INVS: variants seen among roughly 807,000 people sequenced by gnomAD.
The protein encoded by INVS is inversin.
A neutral mutation model predicts 108.8 loss-of-function variants in INVS; 86 were observed. The observed-to-expected ratio is 0.79, with a 90% confidence interval of 0.66 to 0.95. The LOEUF (loss-of-function observed/expected upper bound fraction) is 0.95. Ranked by LOEUF, INVS falls within the 40% of genes least tolerant of loss-of-function variation. The pLI is 0.00. For synonymous variants in INVS, 455 were observed against 473.5 expected, an observed-to-expected ratio of 0.96 and a Z score of 0.51; for missense variants, 1,169 against 1,297.4, an observed-to-expected ratio of 0.90 and a Z score of 1.52.
chr9:100,299,972 A>G (rs184511525), intron 16 of INVS, among the ~76,000 whole-genome samples: 4 of 152,354 alleles, frequency 2.6e-5, no homozygotes, highest in Admixed American at 2.0e-4. Flanking sequence ...GTATTTGCTT[A>G]TATGCTCCAT....
chr9:100,225,669 A>C (rs1458583069), intron 3 of INVS, among the ~76,000 whole-genome samples: 1 of 152,230 alleles, frequency 6.6e-6, no homozygotes, highest in African/African-American at 2.4e-5. Context: ...TTGACCCAAC[A>C]ATTTGGTTCC....
At chr9:100,198,225 C>G (rs1830433991) in intron 3 of INVS, among the ~76,000 whole-genome samples, 1 of 129,546 alleles carries the variant, frequency 7.7e-6, no homozygotes, top group Non-Finnish European at 1.6e-5. Context: ...CTTTCCTCAA[C>G]TTTAATGGTG....
chr9:100,242,567 C>G lies in INVS; in HGVS notation c.797-3C>G. 1 of 1,511,958 alleles carries G rather than the reference C, an allele frequency of 6.6e-7. No individual in the cohort carries two copies. Among genetic ancestry groups the G allele is most frequent in the Non-Finnish European group, 9.2e-7 (1 of 1,087,434 alleles). The allele number at this position is 1,511,958 out of a possible 1,614,324, so 93.7% of individuals were successfully genotyped here. ...ATAATTACCTTTTTGTGTCTTTTCT[C>G]AGGCCATGCACAGATTGTCCATCTC... On this transcript the variant is annotated splice_region_variant and splice_polypyrimidine_tract_variant and intron_variant, in intron 6 of 16. Coordinates refer to ENST00000262457, the MANE Select transcript of INVS (RefSeq NM_014425.5).
At chr9:100,183,962 C>T (rs1480985987) in intron 3 of INVS, among the ~76,000 whole-genome samples, 3 of 151,704 alleles carry the variant, frequency 2.0e-5, no homozygotes, top group Non-Finnish European at 4.4e-5. Flanking sequence ...TATATGATAT[C>T]TACAGCATAA....
In INVS at chr9:100,299,924, A is replaced by G. The variant is rs191502779; in HGVS notation, c.3092-644A>G. 5.3e-5 allele frequency among the ~76,000 whole-genome samples: 8 copies of G among 152,314 alleles called. No individual in the cohort carries two copies. The East Asian group carries it at 1.3e-3, about 26-fold the overall frequency. Reference sequence around the variant, plus strand: ...AAAACCAAGAGAGAAAAATTGAGACATATGTTTGTTACTTTTAAAAACTAC... The same window carrying G: ...AAAACCAAGAGAGAAAAATTGAGACGTATGTTTGTTACTTTTAAAAACTAC... On this transcript the variant is annotated intron_variant, in intron 16 of 16. Coordinates refer to ENST00000262457, the MANE Select transcript of INVS (RefSeq NM_014425.5).
intron 3 of INVS, among the ~76,000 whole-genome samples, chr9:100,160,824 G>T (rs1435861436): frequency 1.3e-5 from 2 of 151,916 alleles, no homozygotes; most frequent in African/African-American, 2.4e-5. Flanking sequence ...GCATGGTGGT[G>T]GGCACCTGTA....
chr9:100,104,471 C>G, intron 1 of INVS, 27 bp from the exon 2 acceptor site: 1 of 1,246,310 alleles, frequency 8.0e-7, no homozygotes, highest in Non-Finnish European at 1.2e-6. Context: ...TTGCTGCATG[C>G]GCTCATTGTC....
chr9:100,257,738 C>A (rs1832468877), intron 10 of INVS, among the ~76,000 whole-genome samples: 1 of 152,214 alleles, frequency 6.6e-6, no homozygotes, highest in Non-Finnish European at 1.5e-5. Context: ...TATCGGCCCC[C>A]ACTCTCTTCT....
In INVS at chr9:100,301,158, C is replaced by CAT. The variant is rs1447702095; in HGVS notation, c.*485_*486insTA. 8.6e-6 allele frequency among the ~76,000 whole-genome samples: 1 copy of CAT among 115,804 alleles called. No individual in the cohort carries two copies. Among genetic ancestry groups the CAT allele is most frequent in the Non-Finnish European group, 1.7e-5 (1 of 60,028 alleles). 76.0% of individuals were successfully genotyped at this position (115,804 alleles called of 152,430 possible). On this transcript the variant is annotated 3_prime_UTR_variant, in exon 17 of 17. Coordinates refer to ENST00000262457, the MANE Select transcript of INVS (RefSeq NM_014425.5). ...AACTTATCACACACACACACACACACACACACACACACACACACACATATC... is the reference window on the plus strand; with the variant it reads ...AACTTATCACACACACACACACACACATACACACACACACACACACACATATC...
At chr9:100,151,413 A>G (rs1028833235) in intron 3 of INVS, among the ~76,000 whole-genome samples, 4 of 152,152 alleles carry the variant, frequency 2.6e-5, no homozygotes, top group Admixed American at 2.6e-4. Flanking sequence ...CAGGAGGTTG[A>G]GGCTGCAGTA....
At chr9:100,277,259 A>T (rs996557436) in intron 12 of INVS, among the ~76,000 whole-genome samples, 1 of 152,238 alleles carries the variant, frequency 6.6e-6, no homozygotes, top group Non-Finnish European at 1.5e-5. Flanking sequence ...TCAGATTTTT[A>T]AAAAACTGCT....
chr9:100,134,803 A>G (rs1199250909), intron 3 of INVS, among the ~76,000 whole-genome samples: 2 of 152,196 alleles, frequency 1.3e-5, no homozygotes, highest in African/African-American at 2.4e-5. Context: ...CAGGTGAATG[A>G]GTAGCTAAAT....
Position 100,252,428 on chromosome 9 carries a change from A to G in INVS, c.1224A>G (p.Thr408=), listed in dbSNP as rs1832266621. 1.2e-6 allele frequency: 2 copies of G among 1,613,754 alleles called. No homozygotes were observed. The highest frequency in any genetic ancestry group is 2.2e-5 in the East Asian group (1 of 44,884). Residue 408 remains threonine, a synonymous_variant, in exon 9 of 17, where the codon ACA becomes ACG. Coordinates refer to ENST00000262457, the MANE Select transcript of INVS (RefSeq NM_014425.5). ...TGGGACACAAAGATGTGATTCAGAC[A>G]CTCATTAAAGGTGGGCTAATAAGAG... The part of the protein sequence containing the change: ...CEMGHKDVIQ[T]LIKGGARVDL...
chr9:100,178,913 A>C (rs563455458), intron 3 of INVS, among the ~76,000 whole-genome samples: 4 of 152,348 alleles, frequency 2.6e-5, no homozygotes, highest in African/African-American at 9.6e-5. Flanking sequence ...CCCACAAGGG[A>C]AGCCCATCAG....
chr9:100,229,624 T>TA, intron 4 of INVS, 36 bp from the exon 5 acceptor site: 2 of 1,600,592 alleles, frequency 1.2e-6, no homozygotes, highest in Non-Finnish European at 1.7e-6. Flanking sequence ...AGTTAGTTGT[T>TA]ACTGTTGTTA....
intron 10 of INVS, among the ~76,000 whole-genome samples, chr9:100,254,977 G>C (rs1319738501): frequency 1.3e-5 from 2 of 152,122 alleles, no homozygotes; most frequent in Admixed American, 1.3e-4. Flanking sequence ...GCTTGATGGG[G>C]ATGGCATTGA....
chr9:100,165,260 A>G (rs1829325531), intron 3 of INVS, among the ~76,000 whole-genome samples: 2 of 152,058 alleles, frequency 1.3e-5, no homozygotes, highest in African/African-American at 4.8e-5. Context: ...TTACTGTTCA[A>G]TTTTTGGCAA....
At chr9:100,270,003 A>T (rs1303295189) in intron 11 of INVS, among the ~76,000 whole-genome samples, 1 of 152,184 alleles carries the variant, frequency 6.6e-6, no homozygotes, top group East Asian at 1.9e-4. Context: ...GCAACGTATT[A>T]CATTGTTTAA....
At chr9:100,245,815 C>A (rs1006680215) in intron 7 of INVS, among the ~76,000 whole-genome samples, 1 of 152,114 alleles carries the variant, frequency 6.6e-6, no homozygotes, top group Non-Finnish European at 1.5e-5. Context: ...GAATGCAGAA[C>A]CTTCTCTGGA....
Sources: allele counts gnomAD v4.1 joint callset (sites outside exome capture counted in the v4.1 genomes callset), GRCh38; gene constraint gnomAD v4.1.1; transcripts MANE v1.5; gene names NCBI Gene and HGNC (gene_info 2026-07-23, HGNC 2026-07-21).